Variants in MARCHF1 observed in about 807,000 individuals in gnomAD.
MARCHF1 encodes the protein membrane associated ring-CH-type finger 1.
A neutral mutation model predicts 54.2 loss-of-function variants in MARCHF1; 40 were observed. The observed-to-expected ratio is 0.74, with a 90% CI of 0.57 to 0.96. The LOEUF is 0.96. Ranked by LOEUF, MARCHF1 falls within the 40% of genes least tolerant of loss-of-function variation. MARCHF1 has a pLI of 0.00. For missense variants in MARCHF1, 586 were observed against 656.5 expected, an observed-to-expected ratio of 0.89 and a Z score of 1.17; for synonymous variants, 236 against 236.3, an observed-to-expected ratio of 1.00 and a Z score of 0.01.
At chr4:164,176,980 C>CTCTCTCTATATATA (rs1466683245) in intron 1 of MARCHF1, among the ~76,000 whole-genome samples, 30 of 58,892 alleles carry the variant, frequency 5.1e-4, no homozygotes, top group African/African-American at 2.0e-3. Context: ...CTCTCTCTCT[C>CTCTCTCTATATATA]TATATATATA....
chr4:164,335,318 C>T (rs1421226726), intron 1 of MARCHF1, among the ~76,000 whole-genome samples: 1 of 152,164 alleles, frequency 6.6e-6, no homozygotes, highest in Non-Finnish European at 1.5e-5. Context: ...CCCGGTGGCT[C>T]ACGCCTGTAA....
At chr4:164,077,349 C>G (rs1351154924) in intron 2 of MARCHF1, among the ~76,000 whole-genome samples, 2 of 152,044 alleles carry the variant, frequency 1.3e-5, no homozygotes, top group East Asian at 3.9e-4. Context: ...GAAACTGGAC[C>G]CCTTCCTTAT....
chr4:163,824,334 C>T (rs965536826), intron 4 of MARCHF1, among the ~76,000 whole-genome samples: 12 of 151,434 alleles, frequency 7.9e-5, no homozygotes, highest in Admixed American at 1.3e-4. Context: ...GAAATAATGC[C>T]GCATATCTAC....
intron 4 of MARCHF1, among the ~76,000 whole-genome samples, chr4:163,743,850 C>A (rs1746280751): frequency 6.6e-6 from 1 of 152,212 alleles, no homozygotes; most frequent in Non-Finnish European, 1.5e-5. Flanking sequence ...AGTAATCTTT[C>A]TTAGATTTTA....
At chr4:164,035,024 C>T (rs1356573992) in intron 2 of MARCHF1, among the ~76,000 whole-genome samples, 1 of 152,028 alleles carries the variant, frequency 6.6e-6, no homozygotes, top group Non-Finnish European at 1.5e-5. Flanking sequence ...TAATGTATCA[C>T]ATTATAAAGG....
intron 1 of MARCHF1, among the ~76,000 whole-genome samples, chr4:164,241,644 C>G (rs560227739): frequency 5.6e-4 from 85 of 152,276 alleles, no homozygotes; most frequent in African/African-American, 2.0e-3. Flanking sequence ...CCAATAGGAA[C>G]AGCTCCGGTC....
intron 2 of MARCHF1, among the ~76,000 whole-genome samples, chr4:164,109,912 T>TAAAAAAAAAAGA (rs1755795837): frequency 1.6e-5 from 1 of 63,156 alleles, no homozygotes; most frequent in Admixed American, 2.6e-4. Context: ...AAAATAAAAG[T>TAAAAAAAAAAGA]AAAAAAAAAA....
chr4:163,958,276 G>C (rs1752272406), intron 3 of MARCHF1, among the ~76,000 whole-genome samples: 1 of 150,898 alleles, frequency 6.6e-6, no homozygotes, highest in East Asian at 1.9e-4. Flanking sequence ...TGTGTGTTTG[G>C]TCATTGCATT....
rs187034616 is a variant in MARCHF1 at position 163,917,798 on chromosome 4, A to G, written c.-38-63629T>C. Among the ~76,000 whole-genome samples the G allele has an allele frequency of 3.9e-5, 6 of 152,240 alleles. No individual in the cohort carries two copies. In the East Asian group the frequency reaches 1.2e-3, roughly 29 times the overall value. ...CTCTCACCGCTTATAGATTCTAGAT[A>G]TTAGACCTTTGTCAGATGGATAAAT... On this transcript the variant is annotated intron_variant, in intron 3 of 9. Transcript: ENST00000514618.
chr4:163,981,934 C>T (rs1264907746), intron 3 of MARCHF1, among the ~76,000 whole-genome samples: 2 of 152,150 alleles, frequency 1.3e-5, no homozygotes, highest in African/African-American at 4.8e-5. Context: ...CAACAATCTA[C>T]CTGCCTAATT....
At chr4:164,129,027 T>A (rs1160602714) in intron 1 of MARCHF1, among the ~76,000 whole-genome samples, 5 of 152,190 alleles carry the variant, frequency 3.3e-5, no homozygotes, top group African/African-American at 1.2e-4. Context: ...TCATCCCACC[T>A]AATGGCTTCT....
chr4:163,621,155 G>A (rs7656568), intron 5 of MARCHF1, among the ~76,000 whole-genome samples: 15,249 of 152,122 alleles, frequency 0.1, 1,100 homozygotes, highest in East Asian at 0.33. Context: ...ATAGGACACT[G>A]ATCTTGAAAT....
chr4:164,317,935 T>C (rs1032983102), intron 1 of MARCHF1, among the ~76,000 whole-genome samples: 1 of 152,160 alleles, frequency 6.6e-6, no homozygotes, highest in Non-Finnish European at 1.5e-5. Context: ...TGTTCCTTCC[T>C]GGTGAGGCAC....
intron 4 of MARCHF1, among the ~76,000 whole-genome samples, chr4:163,748,153 C>T (rs1482476188): frequency 6.6e-6 from 1 of 152,172 alleles, no homozygotes. Context: ...TTGCCCTCTG[C>T]CTCAGGGTTA....
intron 4 of MARCHF1, among the ~76,000 whole-genome samples, chr4:163,772,024 T>G (rs1025385078): frequency 1.3e-5 from 2 of 150,326 alleles, no homozygotes; most frequent in African/African-American, 4.8e-5. Context: ...AATGTGGCTT[T>G]AGATCAGGAG....
intron 4 of MARCHF1, among the ~76,000 whole-genome samples, chr4:163,757,065 A>T (rs1473895113): frequency 6.6e-6 from 1 of 152,218 alleles, no homozygotes; most frequent in African/African-American, 2.4e-5. Flanking sequence ...TGGAAATTGA[A>T]ATATTTTTTC....
intron 4 of MARCHF1, among the ~76,000 whole-genome samples, chr4:163,743,786 A>G (rs35880758): frequency 0.31 from 46,873 of 152,028 alleles, 8,927 homozygotes; most frequent in Non-Finnish European, 0.44. Context: ...TCACCGTGTT[A>G]GCTAGGAGAT....
At chr4:163,567,981 A>G (rs28411310) in intron 8 of MARCHF1, among the ~76,000 whole-genome samples, 185 of 152,254 alleles carry the variant, frequency 1.2e-3, no homozygotes, top group African/African-American at 4.3e-3. Context: ...AATATGTTAA[A>G]TAATCCTCCT....
intron 3 of MARCHF1, among the ~76,000 whole-genome samples, chr4:163,912,435 G>A (rs1031343425): frequency 9.2e-5 from 14 of 152,154 alleles, no homozygotes; most frequent in African/African-American, 3.4e-4. Flanking sequence ...ACTATAGGTA[G>A]CTCCGTGGGA....
Sources: gnomAD v4.1 joint callset for allele counts (sites outside exome capture counted in the v4.1 genomes callset) on GRCh38, gnomAD v4.1.1 for gene constraint, MANE v1.5 for transcripts, NCBI Gene and HGNC (gene_info 2026-07-23, HGNC 2026-07-21) for gene names.